The following ATP8A2 variants were observed in gnomAD, a reference collection of about 807,000 sequenced individuals.
The protein encoded by ATP8A2 is phospholipid-transporting ATPase IB.
A neutral mutation model predicts 165.6 loss-of-function variants in ATP8A2; 100 were observed. That is an observed-to-expected ratio of 0.60 (90% confidence interval 0.51 to 0.71). ATP8A2 has a LOEUF of 0.71. Ranked by LOEUF, ATP8A2 falls within the 30% of genes least tolerant of loss-of-function variation. The pLI, the probability that ATP8A2 is intolerant of heterozygous loss-of-function variation, is 0.00. For missense variants in ATP8A2, 1,227 were observed against 1,479.5 expected (o/e 0.83, Z 2.80); for synonymous variants, 543 against 548.8 (o/e 0.99, Z 0.15).
intron 2 of ATP8A2, among the ~76,000 whole-genome samples, chr13:25,473,220 C>T (rs780626767): frequency 2.6e-5 from 4 of 152,190 alleles, no homozygotes; most frequent in Non-Finnish European, 5.9e-5. Context: ...ACCTTGTTCT[C>T]ATTCTTGACG....
chr13:25,692,867 G>A (rs967050359), intron 24 of ATP8A2, among the ~76,000 whole-genome samples: 5 of 152,182 alleles, frequency 3.3e-5, no homozygotes, highest in African/African-American at 7.2e-5. Context: ...ACTCACTTTC[G>A]ACATTAAATT....
intron 16 of ATP8A2, among the ~76,000 whole-genome samples, chr13:25,564,299 A>G (rs191578763): frequency 8.3e-4 from 127 of 152,322 alleles, no homozygotes; most frequent in Admixed American, 2.6e-4. Context: ...AACAGTTCCA[A>G]TGGCTGTTGC....
intron 24 of ATP8A2, among the ~76,000 whole-genome samples, chr13:25,603,245 T>G (rs773250034): frequency 6.6e-6 from 1 of 152,016 alleles, no homozygotes; most frequent in Non-Finnish European, 1.5e-5. Flanking sequence ...CCCAGCAGTT[T>G]GGGAGGCCAG....
At chr13:25,819,789 A>G (rs1951124750) in intron 27 of ATP8A2, among the ~76,000 whole-genome samples, 1 of 152,102 alleles carries the variant, frequency 6.6e-6, no homozygotes, top group Non-Finnish European at 1.5e-5. Flanking sequence ...TAGACAAAGT[A>G]TATGTTTATA....
chr13:25,900,845 G>A (rs986947908), intron 33 of ATP8A2, among the ~76,000 whole-genome samples: 2 of 152,198 alleles, frequency 1.3e-5, no homozygotes, highest in African/African-American at 4.8e-5. Context: ...GAAAACACGG[G>A]AGAAGAGGGG....
intron 33 of ATP8A2, among the ~76,000 whole-genome samples, chr13:25,889,381 C>T (rs1953281626): frequency 1.3e-5 from 2 of 151,478 alleles, no homozygotes; most frequent in Middle Eastern, 3.2e-3. Context: ...GTTTAAATCA[C>T]CTTCTTTTTT....
chr13:25,724,253 G>A (rs925068863), intron 25 of ATP8A2, among the ~76,000 whole-genome samples: 1 of 152,196 alleles, frequency 6.6e-6, no homozygotes, highest in Non-Finnish European at 1.5e-5. Flanking sequence ...CCCATGATCA[G>A]GAACTTCCAG....
intron 27 of ATP8A2, among the ~76,000 whole-genome samples, chr13:25,786,973 G>A (rs2045045602): frequency 6.6e-6 from 1 of 152,070 alleles, no homozygotes; most frequent in African/African-American, 2.4e-5. Context: ...CTTAGAAACG[G>A]GGTTTTGCCA....
chr13:25,467,391 G>C (rs542995368), intron 1 of ATP8A2, among the ~76,000 whole-genome samples: 60 of 152,276 alleles, frequency 3.9e-4, no homozygotes, highest in African/African-American at 1.3e-3. Context: ...TTCAGTAAAC[G>C]AGTTTACATT....
intron 2 of ATP8A2, among the ~76,000 whole-genome samples, chr13:25,499,308 A>G (rs779140088): frequency 6.6e-6 from 1 of 152,194 alleles, no homozygotes; most frequent in Non-Finnish European, 1.5e-5. Context: ...GTAGAGCTAT[A>G]TATAAGACCC....
intron 25 of ATP8A2, among the ~76,000 whole-genome samples, chr13:25,757,090 G>A (rs2044279441): frequency 6.6e-6 from 1 of 152,150 alleles, no homozygotes; most frequent in East Asian, 1.9e-4. Flanking sequence ...AACCTCTAGG[G>A]AGACAATACA....
chr13:25,735,132 T>C (rs1169207502), intron 25 of ATP8A2, among the ~76,000 whole-genome samples: 1 of 152,220 alleles, frequency 6.6e-6, no homozygotes, highest in East Asian at 1.9e-4. Context: ...GTCTTCTGTT[T>C]TGGAAATCTT....
At chr13:25,885,109 T>TTC in intron 33 of ATP8A2, among the ~76,000 whole-genome samples, 1 of 143,050 alleles carries the variant, frequency 7.0e-6, no homozygotes, top group South Asian at 2.4e-4. Flanking sequence ...CGCTTGCTTT[T>TTC]TTTTTTTTTT....
chr13:25,614,471 C>T (rs2040770311), intron 24 of ATP8A2, among the ~76,000 whole-genome samples: 1 of 152,024 alleles, frequency 6.6e-6, no homozygotes, highest in Non-Finnish European at 1.5e-5. Flanking sequence ...TCTGGTGCCT[C>T]CTTGAGTAGC....
intron 33 of ATP8A2, among the ~76,000 whole-genome samples, chr13:25,933,235 A>C (rs1490718618): frequency 6.6e-6 from 1 of 152,146 alleles, no homozygotes; most frequent in Non-Finnish European, 1.5e-5. Flanking sequence ...GGGCCAGCTC[A>C]GTTTCCCATC....
At chr13:25,793,024 A>T (rs1167472978) in intron 27 of ATP8A2, among the ~76,000 whole-genome samples, 1 of 101,148 alleles carries the variant, frequency 9.9e-6, no homozygotes, top group Non-Finnish European at 2.4e-5. Flanking sequence ...GAGAGAAGAG[A>T]GGAGAAGAGA....
intron 1 of ATP8A2, among the ~76,000 whole-genome samples, chr13:25,453,111 T>G (rs9507521): frequency 6.6e-6 from 1 of 151,472 alleles, no homozygotes; most frequent in African/African-American, 2.4e-5. Flanking sequence ...CAAAAAATAG[T>G]GTTATATGAA....
chr13:25,819,257 T>C (rs1356052909), intron 27 of ATP8A2, among the ~76,000 whole-genome samples: 2 of 152,200 alleles, frequency 1.3e-5, no homozygotes, highest in Non-Finnish European at 2.9e-5. Flanking sequence ...GCTGGCATTT[T>C]ACCTACCCAA....
chr13:25,869,797 C>T (rs370933970), intron 33 of ATP8A2, among the ~76,000 whole-genome samples: 1 of 152,176 alleles, frequency 6.6e-6, no homozygotes, highest in African/African-American at 2.4e-5. Context: ...GGGGTTCTGA[C>T]CCCACGGTAG....
Sources: gnomAD v4.1 joint callset for allele counts (sites outside exome capture counted in the v4.1 genomes callset) on GRCh38, gnomAD v4.1.1 for gene constraint, MANE v1.5 for transcripts, NCBI Gene and HGNC (gene_info 2026-07-23, HGNC 2026-07-21) for gene names.